The following ATRNL1 variants were observed in gnomAD, a reference collection of about 807,000 sequenced individuals.
ATRNL1 encodes attractin-like protein 1.
ATRNL1 carries 95 observed loss-of-function variants against 182.7 expected under a neutral mutation model. The ratio of observed to expected loss-of-function variants is 0.52; its 90% CI spans 0.44 to 0.62. The LOEUF is 0.62. Ranked by LOEUF, ATRNL1 falls within the 20% of genes least tolerant of loss-of-function variation. The pLI is 0.00. For missense variants in ATRNL1, 1,471 were observed against 1,679.5 expected (o/e 0.88, Z 2.17); for synonymous variants, 576 against 568.3 (o/e 1.01, Z -0.19).
At chr10:115,509,634 T>C (rs557564123) in intron 24 of ATRNL1, among the ~76,000 whole-genome samples, 195 of 152,108 alleles carry the variant, frequency 1.3e-3, no homozygotes, top group African/African-American at 4.4e-3. Flanking sequence ...CAGCATCATG[T>C]TTCCTGTACA....
intron 19 of ATRNL1, among the ~76,000 whole-genome samples, chr10:115,347,845 A>G (rs1856047170): frequency 6.6e-6 from 1 of 152,128 alleles, no homozygotes; most frequent in Non-Finnish European, 1.5e-5. Flanking sequence ...TACTATATAT[A>G]TATGTATATG....
intron 26 of ATRNL1, among the ~76,000 whole-genome samples, chr10:115,650,551 G>A (rs946585337): frequency 6.6e-6 from 1 of 151,830 alleles, no homozygotes; most frequent in African/African-American, 2.4e-5. Context: ...CCAGTGGAAC[G>A]CACACACACA....
chr10:115,490,130 G>A (rs758186329), intron 24 of ATRNL1, among the ~76,000 whole-genome samples: 12 of 152,102 alleles, frequency 7.9e-5, no homozygotes, highest in South Asian at 2.1e-4. Flanking sequence ...TGGGTAACCC[G>A]ACCTTTCTCT....
At chr10:115,360,818 T>C (rs1254049759) in intron 19 of ATRNL1, among the ~76,000 whole-genome samples, 2 of 151,970 alleles carry the variant, frequency 1.3e-5, no homozygotes, top group Non-Finnish European at 2.9e-5. Flanking sequence ...TTAATGTCAT[T>C]TGACATTTTT....
Position 115,462,050 on chromosome 10 carries a change from T to C in ATRNL1, c.3417+15T>C, listed in dbSNP as rs374293167. On this transcript the variant is annotated intron_variant, in intron 22 of 28. Transcript: ENST00000355044. ...ACCCAGAACAGGTGAGGAAAAATTGTTATCTTTTAAAGTATAATTATTGGA... is the reference window on the plus strand; with the variant it reads ...ACCCAGAACAGGTGAGGAAAAATTGCTATCTTTTAAAGTATAATTATTGGA... 7.3e-5 allele frequency: 114 copies of C among 1,567,318 alleles called. No individual in the cohort carries two copies. The African/African-American group carries it at 1.4e-3, about 20-fold the overall frequency.
intron 20 of ATRNL1, among the ~76,000 whole-genome samples, chr10:115,400,091 C>T (rs989696692): frequency 6.6e-6 from 1 of 151,846 alleles, no homozygotes; most frequent in East Asian, 1.9e-4. Context: ...CAAGAAAAAA[C>T]CAACCCCATA....
At chr10:115,508,923 G>A (rs1554981958) in intron 24 of ATRNL1, among the ~76,000 whole-genome samples, 1 of 151,956 alleles carries the variant, frequency 6.6e-6, no homozygotes, top group East Asian at 1.9e-4. Flanking sequence ...TACCACCTAG[G>A]AATTTTATAG....
intron 19 of ATRNL1, among the ~76,000 whole-genome samples, chr10:115,375,245 T>A (rs1857610705): frequency 6.6e-6 from 1 of 151,910 alleles, no homozygotes; most frequent in African/African-American, 2.4e-5. Context: ...TCTTTTTGTC[T>A]ACTGATACAT....
chr10:115,737,353 A>G (rs900264470), intron 27 of ATRNL1, among the ~76,000 whole-genome samples: 4 of 151,004 alleles, frequency 2.6e-5, no homozygotes, highest in Non-Finnish European at 5.9e-5. Context: ...GGAGAAGTGC[A>G]TGAGCCCGGG....
intron 8 of ATRNL1, among the ~76,000 whole-genome samples, chr10:115,182,568 T>C (rs183085768): frequency 4.7e-4 from 72 of 151,584 alleles, no homozygotes; most frequent in Admixed American, 1.8e-3. Flanking sequence ...ACATTTCAAC[T>C]TGCTGCATAA....
At chr10:115,141,641 T>C (rs975524042) in intron 5 of ATRNL1, among the ~76,000 whole-genome samples, 2 of 152,200 alleles carry the variant, frequency 1.3e-5, no homozygotes, top group Admixed American at 1.3e-4. Flanking sequence ...TAGGATAGTA[T>C]ACACATGAGA....
intron 24 of ATRNL1, among the ~76,000 whole-genome samples, chr10:115,475,136 C>T (rs1848475149): frequency 6.6e-6 from 1 of 151,342 alleles, no homozygotes; most frequent in South Asian, 2.1e-4. Flanking sequence ...CACAGCATAA[C>T]TCAATGAAAT....
chr10:115,677,877 A>G (rs1945917473), intron 26 of ATRNL1, among the ~76,000 whole-genome samples: 1 of 152,038 alleles, frequency 6.6e-6, no homozygotes, highest in South Asian at 2.1e-4. Context: ...TGGCATATAT[A>G]TAGCCCAGGT....
At chr10:115,769,662 G>A (rs1555075859) in intron 27 of ATRNL1, among the ~76,000 whole-genome samples, 1 of 152,098 alleles carries the variant, frequency 6.6e-6, no homozygotes, top group African/African-American at 2.4e-5. Context: ...TTATATTCCA[G>A]ATCTATCATC....
chr10:115,376,639 A>G (rs1463386386), intron 19 of ATRNL1, among the ~76,000 whole-genome samples: 5 of 152,148 alleles, frequency 3.3e-5, no homozygotes, highest in Admixed American at 2.6e-4. Context: ...GATTATAGGC[A>G]TGAACCACCC....
At chr10:115,244,735 G>A (rs1850558969) in intron 10 of ATRNL1, among the ~76,000 whole-genome samples, 1 of 152,156 alleles carries the variant, frequency 6.6e-6, no homozygotes, top group East Asian at 1.9e-4. Flanking sequence ...AAGCCACTAT[G>A]GCACCTTCTT....
chr10:115,518,673 A>G (rs1232595793), intron 24 of ATRNL1, among the ~76,000 whole-genome samples: 1 of 151,938 alleles, frequency 6.6e-6, no homozygotes, highest in South Asian at 2.1e-4. Context: ...CTCTATCCAG[A>G]TGCTATATTG....
chr10:115,295,748 A>G (rs1554922372), intron 15 of ATRNL1, among the ~76,000 whole-genome samples: 1 of 152,086 alleles, frequency 6.6e-6, no homozygotes, highest in Non-Finnish European at 1.5e-5. Flanking sequence ...TTGGCTCAGA[A>G]GTGCAGTGGT....
intron 15 of ATRNL1, among the ~76,000 whole-genome samples, chr10:115,291,346 G>C (rs1195519318): frequency 6.6e-6 from 1 of 152,118 alleles, no homozygotes; most frequent in Non-Finnish European, 1.5e-5. Context: ...TTACAGTGCT[G>C]TGTTAAATAA....
Sources: gnomAD v4.1 joint callset for allele counts (sites outside exome capture counted in the v4.1 genomes callset) on GRCh38, gnomAD v4.1.1 for gene constraint, MANE v1.5 for transcripts, NCBI Gene and HGNC (gene_info 2026-07-23, HGNC 2026-07-21) for gene names.